Variants in CERKL observed in about 807,000 individuals in gnomAD.
The protein encoded by CERKL is ceramide kinase-like protein.
CERKL carries 61 observed loss-of-function variants against 63.4 expected under a neutral mutation model. That is an observed-to-expected ratio of 0.96 (90% confidence interval 0.78 to 1.19). The LOEUF (loss-of-function observed/expected upper bound fraction) is 1.19, where lower values mean the gene tolerates loss of function less well. Among genes scored for constraint, CERKL ranks in the 50% most tolerant of loss-of-function variants. The pLI is 0.00. For synonymous variants in CERKL, 250 were observed against 230.5 expected, an observed-to-expected ratio of 1.08 and a Z score of -0.77; for missense variants, 675 against 655.5, an observed-to-expected ratio of 1.03 and a Z score of -0.33.
At position 181,604,015 on chromosome 2, in the gene CERKL, C is replaced by T; in HGVS notation, c.303G>A (p.Val101=). 6.2e-7 allele frequency: 1 copy of T among 1,611,924 alleles called. No homozygotes were observed. Among genetic ancestry groups the T allele is most frequent in the Non-Finnish European group, 8.5e-7 (1 of 1,178,482 alleles). ...TAACAGAACAACGCCGTTTCAGTTTCACAGAGAATATGTCTTTGAGTTCAA... is the reference window on the plus strand; with the variant it reads ...TAACAGAACAACGCCGTTTCAGTTTTACAGAGAATATGTCTTTGAGTTCAA... ...EFIELKDIFS[V]KLKRRCSVKQ... is the part of the protein sequence containing the mutation. The change falls in exon 2 of 13, where the codon GTG becomes GTA. Residue 101 remains valine (V), a synonymous_variant. Transcript: ENST00000410087.
chr2:181,605,499 G>C (rs1383216639), intron 1 of CERKL, among the ~76,000 whole-genome samples: 2 of 152,166 alleles, frequency 1.3e-5, no homozygotes, highest in African/African-American at 4.8e-5. Context: ...TGACATTATG[G>C]TAAGTATTTA....
rs1246234479 is a variant in CERKL, at chr2:181,536,724, T to TATTTTAAATGACTTTCTGG, written c.*1441_*1459dup. On this transcript the variant is annotated 3_prime_UTR_variant, in exon 13 of 13. Coordinates refer to ENST00000410087, the MANE Select transcript of CERKL (RefSeq NM_201548.5). ...AGTTTGTTCATACTATATGAGGTTCTATTTTAAATGACTTTCTGGATTTTA... is the reference window on the plus strand; with the variant it reads ...AGTTTGTTCATACTATATGAGGTTCTATTTTAAATGACTTTCTGGATTTTAAATGACTTTCTGGATTTTA... 4.1e-6 allele frequency: 1 copy of TATTTTAAATGACTTTCTGG among 244,848 alleles called. No homozygotes were observed. The highest frequency in any genetic ancestry group is 4.8e-5 in the South Asian group (1 of 20,700). 15.2% of individuals were successfully genotyped at this position (244,848 alleles called of 1,614,324 possible). A position where few individuals can be genotyped will look rare whatever the true frequency, so the allele number is the denominator to read the frequency against.
chr2:181,632,992 G>C (rs1369649929), intron 1 of CERKL, among the ~76,000 whole-genome samples: 1 of 152,120 alleles, frequency 6.6e-6, no homozygotes, highest in Non-Finnish European at 1.5e-5. Flanking sequence ...TCTTTCTCAG[G>C]GGACACAGAG....
intron 1 of CERKL, among the ~76,000 whole-genome samples, chr2:181,618,648 G>A (rs1481003668): frequency 6.6e-6 from 1 of 152,120 alleles, no homozygotes; most frequent in Non-Finnish European, 1.5e-5. Context: ...CTGACCTCAA[G>A]TGATCCACCC....
At chr2:181,647,961 A>G (rs1319439727) in intron 1 of CERKL, among the ~76,000 whole-genome samples, 1 of 152,122 alleles carries the variant, frequency 6.6e-6, no homozygotes, top group Non-Finnish European at 1.5e-5. Context: ...GAGCTTCAAG[A>G]ATAGACCAGA....
intron 2 of CERKL, among the ~76,000 whole-genome samples, chr2:181,603,444 C>G (rs1156547881): frequency 6.6e-6 from 1 of 152,128 alleles, no homozygotes; most frequent in Non-Finnish European, 1.5e-5. Flanking sequence ...CAAAGTCAGA[C>G]AAACAGTACA....
intron 4 of CERKL, among the ~76,000 whole-genome samples, chr2:181,559,781 C>T (rs1688360347): frequency 2.0e-5 from 3 of 152,102 alleles, no homozygotes; most frequent in Admixed American, 2.0e-4. Context: ...GGGTGGTGAC[C>T]AAAGGCTGAA....
At chr2:181,553,893 A>G (rs1196297992) in intron 5 of CERKL, among the ~76,000 whole-genome samples, 1 of 152,200 alleles carries the variant, frequency 6.6e-6, no homozygotes, top group Non-Finnish European at 1.5e-5. Context: ...ACTGTACTCT[A>G]TTTGAAAAGA....
At chr2:181,590,184 C>A (rs1684933637) in intron 2 of CERKL, among the ~76,000 whole-genome samples, 1 of 151,464 alleles carries the variant, frequency 6.6e-6, no homozygotes. Flanking sequence ...GTTGCCCACT[C>A]TGGAGTGCAG....
At chr2:181,594,097 T>C (rs1428732248) in intron 2 of CERKL, among the ~76,000 whole-genome samples, 3 of 152,130 alleles carry the variant, frequency 2.0e-5, no homozygotes, top group Admixed American at 6.6e-5. Flanking sequence ...TACCACATAA[T>C]AGATAAGGAG....
chr2:181,565,566 T>C, intron 4 of CERKL: 1 of 1,175,352 alleles, frequency 8.5e-7, no homozygotes, highest in Non-Finnish European at 1.3e-6. Flanking sequence ...TTAAAATTAT[T>C]TCTTATTGTT....
Position 181,656,761 on chromosome 2 carries a change from G to T in CERKL, c.238+8C>A, listed in dbSNP as rs1039907135. 1 of 1,586,736 alleles carries T rather than the reference G, an allele frequency of 6.3e-7. No individual in the cohort carries two copies. The highest frequency in any genetic ancestry group is 8.6e-7 in the Non-Finnish European group (1 of 1,166,770). ...GGGAGGCGAAGACGCTTGGGGCCGG[G>T]CACTCACCCGCCGGGCGCTCGGGCT... On this transcript the variant is annotated splice_region_variant and intron_variant, in intron 1 of 12. Transcript: ENST00000410087.
chr2:181,558,786 A>T lies in CERKL; in HGVS notation c.678-78T>A. The T allele has an allele frequency of 7.0e-7, 1 of 1,431,686 alleles. No homozygotes were observed. Among genetic ancestry groups the T allele is most frequent in the Non-Finnish European group, 9.8e-7 (1 of 1,021,134 alleles). 88.7% of individuals were successfully genotyped at this position (1,431,686 alleles called of 1,614,324 possible). ...TAAGTCATGAAATCTAGACTTCAAAATAGTTTACTAATTTGTAGTCTATGT... is the reference window on the plus strand; with the variant it reads ...TAAGTCATGAAATCTAGACTTCAAATTAGTTTACTAATTTGTAGTCTATGT... On this transcript the variant is annotated intron_variant, in intron 4 of 12. Transcript: ENST00000410087. The surrounding 1 kb of genome is among the most constrained non-coding windows in gnomAD (Gnocchi z 4.2).
intron 5 of CERKL, among the ~76,000 whole-genome samples, chr2:181,552,801 AT>A (rs1279177483): frequency 1.3e-5 from 2 of 152,194 alleles, no homozygotes; most frequent in African/African-American, 4.8e-5. Context: ...AATACATACA[AT>A]TTTTGTCCAT....
intron 8 of CERKL, 40 bp from the exon 9 acceptor site, chr2:181,547,887 A>G (rs765084311): frequency 1.9e-6 from 3 of 1,582,572 alleles, no homozygotes; most frequent in Non-Finnish European, 2.6e-6. Context: ...AAAACAGATA[A>G]CGCGCGCACA....
intron 5 of CERKL, among the ~76,000 whole-genome samples, chr2:181,552,969 T>G (rs989741569): frequency 1.3e-5 from 2 of 152,202 alleles, no homozygotes; most frequent in Non-Finnish European, 2.9e-5. Context: ...GTATGCACAG[T>G]GACTTGGTGA....
At chr2:181,595,180 T>C (rs1685147332) in intron 2 of CERKL, among the ~76,000 whole-genome samples, 1 of 152,058 alleles carries the variant, frequency 6.6e-6, no homozygotes, top group South Asian at 2.1e-4. Flanking sequence ...AGCCTGGTAA[T>C]CTGTCACAAA....
intron 1 of CERKL, 70 bp downstream of exon 1, chr2:181,656,699 T>A (rs907480403): frequency 1.5e-6 from 2 of 1,290,836 alleles, no homozygotes; most frequent in Non-Finnish European, 2.1e-6. Flanking sequence ...AGCTCGTGGG[T>A]GTAGGCCTTG....
intron 3 of CERKL, among the ~76,000 whole-genome samples, chr2:181,573,325 T>C (rs904157108): frequency 3.9e-5 from 6 of 152,264 alleles, no homozygotes; most frequent in Non-Finnish European, 8.8e-5. Context: ...GTGCTTAGTT[T>C]TGACCTAACC....
Sources: allele counts gnomAD v4.1 joint callset (sites outside exome capture counted in the v4.1 genomes callset), GRCh38; gene constraint gnomAD v4.1.1; non-coding constraint Gnocchi (gnomAD v3.1); transcripts MANE v1.5; gene names NCBI Gene and HGNC (gene_info 2026-07-23, HGNC 2026-07-21).